Variants in RABGEF1 observed in about 807,000 individuals in gnomAD.
The protein encoded by RABGEF1 is rab5 GDP/GTP exchange factor.
In RABGEF1, 26 loss-of-function variants were observed where a neutral mutation model predicts 57.3. That is an observed-to-expected ratio of 0.45 (90% CI 0.33 to 0.63). The LOEUF (loss-of-function observed/expected upper bound fraction) is 0.63. Among genes scored for constraint, RABGEF1 ranks in the 20% least tolerant of loss-of-function variants. The pLI is 0.02. For synonymous variants in RABGEF1, 185 were observed against 210.7 expected, an observed-to-expected ratio of 0.88 and a Z score of 1.06; for missense variants, 464 against 607.6, an observed-to-expected ratio of 0.76 and a Z score of 2.48.
intron 1 of RABGEF1, among the ~76,000 whole-genome samples, chr7:66,766,418 A>T (rs575074393): frequency 3.3e-5 from 5 of 152,050 alleles, no homozygotes; most frequent in Admixed American, 1.3e-4. Flanking sequence ...TTACTATAGG[A>T]TGTAGTAGAT....
the RABGEF1 span, among the ~76,000 whole-genome samples, chr7:66,670,479 AAGAC>A: frequency 9.1e-4 from 134 of 147,842 alleles, no homozygotes; most frequent in African/African-American, 3.1e-3. Flanking sequence ...AGAGGACACA[AAGAC>A]AGCCAGAGAA....
At chr7:66,706,730 T>G (rs1365614099) in intron 1 of RABGEF1, among the ~76,000 whole-genome samples, 1 of 149,146 alleles carries the variant, frequency 6.7e-6, no homozygotes, top group Non-Finnish European at 1.5e-5. Context: ...AAATATTTTC[T>G]AATTTACCTT....
chr7:66,699,086 G>A (rs1562708813), intron 1 of RABGEF1, among the ~76,000 whole-genome samples: 1 of 152,178 alleles, frequency 6.6e-6, no homozygotes, highest in Non-Finnish European at 1.5e-5. Context: ...CTGGCCTTGG[G>A]AGGGTTGGCC....
chr7:66,775,738 C>T (rs1583995433), intron 3 of RABGEF1, among the ~76,000 whole-genome samples: 1 of 151,794 alleles, frequency 6.6e-6, no homozygotes, highest in Admixed American at 6.6e-5. Context: ...GGTATAATAC[C>T]CTCACTGTTC....
chr7:66,664,635 C>T, the RABGEF1 span, among the ~76,000 whole-genome samples: 17 of 152,226 alleles, frequency 1.1e-4, no homozygotes, highest in East Asian at 3.3e-3. Context: ...GAGTGGCTCC[C>T]TACAGATGGC....
chr7:66,779,070 G>C (rs767466612), intron 3 of RABGEF1, among the ~76,000 whole-genome samples: 1 of 152,042 alleles, frequency 6.6e-6, no homozygotes, highest in Non-Finnish European at 1.5e-5. Flanking sequence ...AGCTGAGATC[G>C]TGCCACTCCA....
chr7:66,767,306 G>T (rs1264581117), intron 1 of RABGEF1, among the ~76,000 whole-genome samples: 3 of 148,414 alleles, frequency 2.0e-5, no homozygotes, highest in African/African-American at 4.9e-5. Context: ...CCCAGCCGAG[G>T]TTTTTTTTTT....
At chr7:66,755,479 A>G (rs1802486523) in intron 1 of RABGEF1, among the ~76,000 whole-genome samples, 1 of 152,088 alleles carries the variant, frequency 6.6e-6, no homozygotes, top group Non-Finnish European at 1.5e-5. Context: ...CTATGTCAAG[A>G]AAAGAAAAGA....
intron 1 of RABGEF1, among the ~76,000 whole-genome samples, chr7:66,710,790 A>G (rs1182414969): frequency 6.6e-6 from 1 of 152,102 alleles, no homozygotes; most frequent in Non-Finnish European, 1.5e-5. Flanking sequence ...TTTGTTGGGT[A>G]TATGTTCTTT....
chr7:66,695,243 C>T (rs572168534), intron 1 of RABGEF1, among the ~76,000 whole-genome samples: 2 of 151,602 alleles, frequency 1.3e-5, no homozygotes, highest in Non-Finnish European at 2.9e-5. Flanking sequence ...ACCTGGGAGG[C>T]GGAGGTTACA....
chr7:66,700,259 C>A (rs1433380681), intron 1 of RABGEF1, among the ~76,000 whole-genome samples: 10 of 152,260 alleles, frequency 6.6e-5, no homozygotes, highest in South Asian at 2.1e-4. Flanking sequence ...CAGAGGACAG[C>A]CCTACTGGGC....
At chr7:66,718,566 A>AT (rs1795661294) in intron 2 of RABGEF1, among the ~76,000 whole-genome samples, 1 of 65,760 alleles carries the variant, frequency 1.5e-5, no homozygotes, top group Non-Finnish European at 3.8e-5. Context: ...TTTAATTTAT[A>AT]AAAAAAAAAT....
the RABGEF1 span, among the ~76,000 whole-genome samples, chr7:66,656,487 A>G: frequency 2.0e-5 from 3 of 152,154 alleles, no homozygotes; most frequent in Admixed American, 1.3e-4. Context: ...ATGGTGACAG[A>G]ACCAGGGAAG....
At chr7:66,778,705 C>A (rs1350707697) in intron 3 of RABGEF1, among the ~76,000 whole-genome samples, 1 of 151,968 alleles carries the variant, frequency 6.6e-6, no homozygotes, top group African/African-American at 2.4e-5. Flanking sequence ...GATTCTGGGG[C>A]TAGAGTAGGG....
At chr7:66,693,029 G>A (rs186897648) in intron 1 of RABGEF1, among the ~76,000 whole-genome samples, 3 of 152,238 alleles carry the variant, frequency 2.0e-5, no homozygotes, top group Admixed American at 6.5e-5. Flanking sequence ...CCCTCCTAGC[G>A]GGGGAAAAAA....
intron 1 of RABGEF1, among the ~76,000 whole-genome samples, chr7:66,686,487 C>G (rs1290741865): frequency 6.6e-6 from 1 of 152,122 alleles, no homozygotes; most frequent in Non-Finnish European, 1.5e-5. Flanking sequence ...AAAGAAGTTT[C>G]ATAGTACAGG....
intron 1 of RABGEF1, among the ~76,000 whole-genome samples, chr7:66,745,109 G>A (rs536177743): frequency 4.0e-5 from 6 of 151,836 alleles, no homozygotes; most frequent in African/African-American, 1.4e-4. Flanking sequence ...GGAGAATGGC[G>A]TGAACCCGGG....
At chr7:66,669,015 AG>A in the RABGEF1 span, 1 of 152,264 alleles carries the variant, frequency 6.6e-6, no homozygotes, top group Non-Finnish European at 1.5e-5. Flanking sequence ...GCTGCCTAGA[AG>A]ACCCTCTTGT....
Position 66,809,059 on chromosome 7 carries a change from G to C in RABGEF1, c.1251G>C (p.Leu417Phe). 6.2e-7 allele frequency: 1 copy of C among 1,614,126 alleles called. No individual in the cohort carries two copies. The highest frequency in any genetic ancestry group is 8.5e-7 in the Non-Finnish European group (1 of 1,180,036). Residue 417 changes from leucine to phenylalanine, a missense_variant, in exon 9 of 9, where the codon TTG becomes TTC. This residue lies in a region of RABGEF1 where 151 missense variants were observed against 152.2 expected (regional missense o/e 0.99). Transcript: ENST00000284957. ...VKQMYKNLDL[L>F]SQLNERQERI... is the part of the protein sequence containing the mutation. ...AAATGTATAAGAACTTGGATCTCTT[G>C]TCTCAGTTGAATGAACGACAAGAAA...
Sources: gnomAD v4.1 joint callset for allele counts (sites outside exome capture counted in the v4.1 genomes callset) on GRCh38, gnomAD v4.1.1 for gene constraint, gnomAD v4.1.1 regional missense constraint, MANE v1.5 for transcripts, NCBI Gene and HGNC (gene_info 2026-07-23, HGNC 2026-07-21) for gene names.